KCNMA1: variants seen among roughly 807,000 people sequenced by gnomAD.
KCNMA1 encodes the protein Calcium-activated potassium channel subunit alpha-1.
KCNMA1 carries 29 observed loss-of-function variants against 140.0 expected under a neutral mutation model. The observed-to-expected ratio is 0.21, with a 90% CI of 0.15 to 0.28. The LOEUF (loss-of-function observed/expected upper bound fraction) is 0.28, where lower values mean the gene tolerates loss of function less well. Among genes scored for constraint, KCNMA1 ranks in the 10% least tolerant of loss-of-function variants. The pLI, the probability that KCNMA1 is intolerant of heterozygous loss-of-function variation, is 1.00. For missense variants in KCNMA1, 880 were observed against 1,602.2 expected, an observed-to-expected ratio of 0.55 and a Z score of 7.70; for synonymous variants, 612 against 611.9, an observed-to-expected ratio of 1.00 and a Z score of 0.00.
intron 3 of KCNMA1, among the ~76,000 whole-genome samples, chr10:77,191,840 C>A (rs1478415111): frequency 6.6e-6 from 1 of 152,114 alleles, no homozygotes; most frequent in African/African-American, 2.4e-5. Context: ...GGTTGTTTAA[C>A]TGGCTTTACT....
At chr10:77,094,147 T>C (rs1477220391) in intron 9 of KCNMA1, among the ~76,000 whole-genome samples, 2 of 152,152 alleles carry the variant, frequency 1.3e-5, no homozygotes, top group East Asian at 1.9e-4. Flanking sequence ...ATGTAACCAA[T>C]ATAAAGTATT....
intron 20 of KCNMA1, among the ~76,000 whole-genome samples, chr10:76,967,809 C>T (rs927660611): frequency 1.3e-5 from 2 of 152,166 alleles, no homozygotes; most frequent in African/African-American, 4.8e-5. Flanking sequence ...AGTTTCCACT[C>T]ACCACCTGAC....
intron 1 of KCNMA1, among the ~76,000 whole-genome samples, chr10:77,460,027 A>T (rs1337368466): frequency 1.3e-5 from 2 of 152,214 alleles, no homozygotes; most frequent in Non-Finnish European, 2.9e-5. Context: ...AGACTCTCAC[A>T]ACCTCTCACT....
At position 77,431,681 on chromosome 10, in the gene KCNMA1, T is replaced by TAAAAAAA. The variant is rs71028276; in HGVS notation, c.379-27665_379-27659dup. On this transcript the variant is annotated intron_variant, in intron 1 of 27. Transcript: ENST00000286628. Reference sequence around the variant, plus strand: ...CATGCCCCTGAAGTCTGGTCTGTTGTAAAAAAAAAAAAAAAAAAAAAAAAA... The same window carrying TAAAAAAA: ...CATGCCCCTGAAGTCTGGTCTGTTGTAAAAAAAAAAAAAAAAAAAAAAAAAAAAAAAA... Among the ~76,000 whole-genome samples, 37 of 75,448 alleles carry TAAAAAAA rather than the reference T, an allele frequency of 4.9e-4. 1 individual carries two copies. Among genetic ancestry groups the TAAAAAAA allele is most frequent in the African/African-American group, 1.6e-3 (33 of 20,682 alleles). 49.5% of individuals were successfully genotyped at this position (75,448 alleles called of 152,430 possible). A position where few individuals can be genotyped will look rare whatever the true frequency, so the allele number is the denominator to read the frequency against.
intron 14 of KCNMA1, among the ~76,000 whole-genome samples, chr10:77,062,268 C>A (rs905248861): frequency 6.6e-6 from 1 of 152,198 alleles, no homozygotes; most frequent in Non-Finnish European, 1.5e-5. Flanking sequence ...AGCCCCAACA[C>A]CTCCACTCGA....
intron 2 of KCNMA1, among the ~76,000 whole-genome samples, chr10:77,265,831 A>G (rs1219996936): frequency 6.6e-6 from 1 of 152,232 alleles, no homozygotes; most frequent in Non-Finnish European, 1.5e-5. Context: ...CTATAATCCC[A>G]GCACTTTGGG....
chr10:77,282,297 C>A (rs892955937), intron 2 of KCNMA1, among the ~76,000 whole-genome samples: 1 of 152,152 alleles, frequency 6.6e-6, no homozygotes, highest in East Asian at 1.9e-4. Flanking sequence ...CCCAGCCAGG[C>A]TGCACTTTCC....
At chr10:77,161,379 T>A (rs1345442809) in intron 5 of KCNMA1, among the ~76,000 whole-genome samples, 3 of 152,032 alleles carry the variant, frequency 2.0e-5, no homozygotes, top group Non-Finnish European at 4.4e-5. Flanking sequence ...TCCCAAGTAG[T>A]TAGGACTACA....
chr10:77,580,650 C>T (rs866878304), intron 1 of KCNMA1, among the ~76,000 whole-genome samples: 3 of 152,128 alleles, frequency 2.0e-5, no homozygotes, highest in African/African-American at 4.8e-5. Flanking sequence ...TGATGAGGGG[C>T]CTCTTGCTCC....
At chr10:77,206,106 C>T (rs993379182) in intron 3 of KCNMA1, among the ~76,000 whole-genome samples, 1 of 152,120 alleles carries the variant, frequency 6.6e-6, no homozygotes, top group African/African-American at 2.4e-5. Context: ...GCCCATTTCC[C>T]CATAAGGCGA....
At chr10:77,157,251 C>A (rs1437250658) in intron 5 of KCNMA1, among the ~76,000 whole-genome samples, 1 of 152,136 alleles carries the variant, frequency 6.6e-6, no homozygotes, top group African/African-American at 2.4e-5. Flanking sequence ...ACCATCCTGG[C>A]CAACATGGTG....
intron 12 of KCNMA1, among the ~76,000 whole-genome samples, chr10:77,082,780 G>A (rs1474177865): frequency 2.0e-5 from 3 of 152,154 alleles, no homozygotes; most frequent in Admixed American, 6.6e-5. Context: ...AAGCTTAGAA[G>A]AGTTCACGCA....
At chr10:77,011,879 GTGT>G in intron 18 of KCNMA1, 85 bp downstream of exon 18, 1 of 1,119,996 alleles carries the variant, frequency 8.9e-7, no homozygotes, top group Non-Finnish European at 1.4e-6. Flanking sequence ...TCGATGTTTA[GTGT>G]TTCTCTAATA....
At chr10:77,587,612 T>C (rs539528806) in intron 1 of KCNMA1, among the ~76,000 whole-genome samples, 21 of 152,306 alleles carry the variant, frequency 1.4e-4, no homozygotes, top group African/African-American at 5.1e-4. Flanking sequence ...GTGGACTTTC[T>C]GTGTCTGGGC....
intron 5 of KCNMA1, among the ~76,000 whole-genome samples, chr10:77,157,209 A>T (rs1297284908): frequency 6.6e-6 from 1 of 152,178 alleles, no homozygotes; most frequent in Non-Finnish European, 1.5e-5. Context: ...TGGGAGGCTG[A>T]GGCAGGCGGG....
At chr10:77,220,180 G>A (rs1388746717) in intron 3 of KCNMA1, among the ~76,000 whole-genome samples, 1 of 152,232 alleles carries the variant, frequency 6.6e-6, no homozygotes, top group Non-Finnish European at 1.5e-5. Context: ...CTGAGGCACA[G>A]GGAAGAGGTG....
intron 3 of KCNMA1, among the ~76,000 whole-genome samples, chr10:77,198,482 C>T (rs908932562): frequency 3.3e-5 from 5 of 151,290 alleles, no homozygotes; most frequent in African/African-American, 4.9e-5. Context: ...TACATATTGA[C>T]CATTTAGCAG....
chr10:77,198,440 A>G (rs2041346427), intron 3 of KCNMA1, among the ~76,000 whole-genome samples: 1 of 152,054 alleles, frequency 6.6e-6, no homozygotes, highest in Non-Finnish European at 1.5e-5. Context: ...TCATCTCAGC[A>G]TGAATGACAG....
intron 22 of KCNMA1, among the ~76,000 whole-genome samples, chr10:76,946,949 T>G (rs2064163487): frequency 2.0e-5 from 3 of 152,216 alleles, no homozygotes; most frequent in Admixed American, 2.0e-4. Flanking sequence ...AAATCTATTG[T>G]GCTTGAGTAT....
Sources: gnomAD v4.1 joint callset for allele counts (sites outside exome capture counted in the v4.1 genomes callset) on GRCh38, gnomAD v4.1.1 for gene constraint, MANE v1.5 for transcripts, NCBI Gene and HGNC (gene_info 2026-07-23, HGNC 2026-07-21) for gene names.